The following UGT2B15 variants were observed in gnomAD, a reference collection of about 807,000 sequenced individuals.
The protein encoded by UGT2B15 is UDP glucuronosyltransferase family 2 member B15.
In UGT2B15, 36 loss-of-function variants were observed where a neutral mutation model predicts 45.9. The ratio of observed to expected loss-of-function variants is 0.78; its 90% CI spans 0.60 to 1.04. The LOEUF is 1.04. Ranked by LOEUF, UGT2B15 falls within the 50% of genes least tolerant of loss-of-function variation. UGT2B15 has a pLI of 0.00. For missense variants in UGT2B15, 617 were observed against 622.4 expected, an observed-to-expected ratio of 0.99 and a Z score of 0.09; for synonymous variants, 219 against 216.4, an observed-to-expected ratio of 1.01 and a Z score of -0.11.
Position 68,655,196 on chromosome 4 carries a change from G to A in UGT2B15, c.1006-14C>T. ...TCTCCATAGAACCTGTTAGGGCAAGGAAAATATCTTGTTCAATGAATAGAA... is the reference window on the plus strand; with the variant it reads ...TCTCCATAGAACCTGTTAGGGCAAGAAAAATATCTTGTTCAATGAATAGAA... On this transcript the variant is annotated splice_polypyrimidine_tract_variant and intron_variant, in intron 3 of 5. Coordinates refer to ENST00000338206, the MANE Select transcript of UGT2B15 (RefSeq NM_001076.4). 6.2e-7 allele frequency: 1 copy of A among 1,612,108 alleles called. No homozygotes were observed. Among genetic ancestry groups the A allele is most frequent in the Non-Finnish European group, 8.5e-7 (1 of 1,178,706 alleles).
rs1250157274 is a variant in UGT2B15 at position 68,654,183 on chromosome 4, G to C, written c.1167C>G (p.Ile389Met). ...CAAACAAGGGAATGCCCACCATAGGGATCCCATGGTAGATCGCCTCATAGA... is the reference window on the plus strand; with the variant it reads ...CAAACAAGGGAATGCCCACCATAGGCATCCCATGGTAGATCGCCTCATAGA... Reference protein sequence around the residue: ...NGIYEAIYHGIPMVGIPLFAD... With the variant: ...NGIYEAIYHGMPMVGIPLFAD... Residue 389 changes from isoleucine to methionine, a missense_variant, in exon 5 of 6, where the codon ATC (isoleucine) becomes ATG (methionine). By Grantham distance (10) the Ile-to-Met change is conservative. This residue lies in a region of UGT2B15 where 265 missense variants were observed against 245.1 expected (regional missense o/e 1.08). Coordinates refer to ENST00000338206, the MANE Select transcript of UGT2B15 (RefSeq NM_001076.4). The C allele has an allele frequency of 6.2e-7, 1 of 1,613,624 alleles. No homozygotes were observed. The highest frequency in any genetic ancestry group is 8.5e-7 in the Non-Finnish European group (1 of 1,179,696).
intron 3 of UGT2B15, among the ~76,000 whole-genome samples, chr4:68,656,640 C>T (rs1266975844): frequency 1.3e-5 from 2 of 152,136 alleles, no homozygotes; most frequent in African/African-American, 4.8e-5. Context: ...ACTTTTCCTC[C>T]ACCCTATACC....
intron 3 of UGT2B15, among the ~76,000 whole-genome samples, chr4:68,661,277 C>CT (rs1207765630): frequency 6.6e-6 from 1 of 152,034 alleles, no homozygotes; most frequent in Non-Finnish European, 1.5e-5. Context: ...TGATTGCCTC[C>CT]TTGGAGAGGC....
chr4:68,657,898 A>G lies in UGT2B15; in HGVS notation c.1006-2716T>C, dbSNP rs549374111. 1.4e-4 allele frequency among the ~76,000 whole-genome samples: 21 copies of G among 152,186 alleles called. No homozygotes were observed. In the East Asian group the frequency reaches 3.7e-3, roughly 27 times the overall value. The stretch of plus-strand genomic sequence containing the variant: ...GTGTACATGTGTTTGCATATATTTA[A>G]AAGGCCATTATAATTTCTATAATTT... On this transcript the variant is annotated intron_variant, in intron 3 of 5. Transcript: ENST00000338206.
intron 3 of UGT2B15, among the ~76,000 whole-genome samples, chr4:68,659,375 G>T (rs1732896867): frequency 6.6e-6 from 1 of 151,878 alleles, no homozygotes; most frequent in South Asian, 2.1e-4. Flanking sequence ...TAATTTATTA[G>T]TTTCCCTAAC....
At chr4:68,659,206 A>G (rs1578197590) in intron 3 of UGT2B15, among the ~76,000 whole-genome samples, 1 of 152,118 alleles carries the variant, frequency 6.6e-6, no homozygotes, top group African/African-American at 2.4e-5. Flanking sequence ...TCTCTCAAAG[A>G]ATGAAGATTT....
At position 68,646,953 on chromosome 4, in the gene UGT2B15, A is replaced by T; in HGVS notation, c.*151T>A. On this transcript the variant is annotated 3_prime_UTR_variant, in exon 6 of 6. Transcript: ENST00000338206. ...ATAATTCAGCTAAAGTACGTATTAA[A>T]TCCCTGGAAAATAAATTTTGTCTTA... 8.3e-7 allele frequency: 1 copy of T among 1,200,230 alleles called. No individual in the cohort carries two copies. The highest frequency in any genetic ancestry group is 1.6e-5 in the South Asian group (1 of 63,734). The allele number at this position is 1,200,230 out of a possible 1,614,324, so 74.3% of individuals were successfully genotyped here.
In UGT2B15 at chr4:68,654,165, G is replaced by C; in HGVS notation, c.1185C>G (p.Pro395=). ...IYHGIPMVGI[P]LFADQHDNIA... ...TGTTATCATGTTGATCCGCAAACAA[G>C]GGAATGCCCACCATAGGGATCCCAT... Residue 395 remains proline, a synonymous_variant, in exon 5 of 6, where the codon CCC becomes CCG. Coordinates refer to ENST00000338206, the MANE Select transcript of UGT2B15 (RefSeq NM_001076.4). 1 of 1,613,602 alleles carries C rather than the reference G, an allele frequency of 6.2e-7. No individual in the cohort carries two copies. The highest frequency in any genetic ancestry group is 8.5e-7 in the Non-Finnish European group (1 of 1,179,694).
rs576547222 is a variant in UGT2B15, at chr4:68,653,078, T to G, written c.1313+959A>C. 1.2e-4 allele frequency among the ~76,000 whole-genome samples: 19 copies of G among 152,162 alleles called. 1 individual carries two copies. In the South Asian group the frequency reaches 3.9e-3, roughly 32 times the overall value. On this transcript the variant is annotated intron_variant, in intron 5 of 5. Transcript: ENST00000338206. Reference sequence around the variant, plus strand: ...TCCAGCTGGTGGTAATGAAAAATGATGCAAATACTTTGAAAAACAGTTTAG... The same window carrying G: ...TCCAGCTGGTGGTAATGAAAAATGAGGCAAATACTTTGAAAAACAGTTTAG...
At chr4:68,651,575 G>T (rs6852054) in intron 5 of UGT2B15, among the ~76,000 whole-genome samples, 75,108 of 151,432 alleles carry the variant, frequency 0.5, 21,390 homozygotes, top group Non-Finnish European at 0.65. Context: ...GGGATCCAGT[G>T]GCAGTTTTCT....
At chr4:68,652,180 T>G (rs1181805190) in intron 5 of UGT2B15, among the ~76,000 whole-genome samples, 2 of 152,022 alleles carry the variant, frequency 1.3e-5, no homozygotes, top group African/African-American at 2.4e-5. Context: ...TGTCAAATCA[T>G]GTACTGTCAG....
At chr4:68,661,290 A>T (rs1732958659) in intron 3 of UGT2B15, among the ~76,000 whole-genome samples, 1 of 152,090 alleles carries the variant, frequency 6.6e-6, no homozygotes, top group South Asian at 2.1e-4. Flanking sequence ...GGAGAGGCTA[A>T]TCAGAAAGTC....
intron 2 of UGT2B15, among the ~76,000 whole-genome samples, chr4:68,663,343 G>A (rs1017431606): frequency 2.0e-5 from 3 of 151,890 alleles, no homozygotes; most frequent in African/African-American, 4.8e-5. Flanking sequence ...GTAAATATGT[G>A]TGCATATGCA....
At chr4:68,652,433 C>T (rs1045520735) in intron 5 of UGT2B15, among the ~76,000 whole-genome samples, 4 of 151,062 alleles carry the variant, frequency 2.6e-5, no homozygotes, top group African/African-American at 9.7e-5. Flanking sequence ...TTTTAATTTT[C>T]TAACCTGTTT....
chr4:68,650,149 A>T (rs1732608617), intron 5 of UGT2B15, among the ~76,000 whole-genome samples: 3 of 151,974 alleles, frequency 2.0e-5, no homozygotes, highest in Admixed American at 6.6e-5. Context: ...AAATTTTTTT[A>T]AAAAGTTTTA....
intron 3 of UGT2B15, among the ~76,000 whole-genome samples, chr4:68,661,192 C>T (rs1277738370): frequency 6.6e-6 from 1 of 151,934 alleles, no homozygotes; most frequent in Non-Finnish European, 1.5e-5. Flanking sequence ...CTGGGGGCCC[C>T]AAAGTCACTA....
chr4:68,657,875 G>A (rs1221421031), intron 3 of UGT2B15, among the ~76,000 whole-genome samples: 1 of 151,892 alleles, frequency 6.6e-6, no homozygotes, highest in African/African-American at 2.4e-5. Flanking sequence ...TTGTGTGTGT[G>A]TACATGTGTT....
intron 5 of UGT2B15, among the ~76,000 whole-genome samples, chr4:68,650,959 T>C (rs1291633172): frequency 2.6e-5 from 4 of 151,584 alleles, no homozygotes; most frequent in African/African-American, 9.7e-5. Flanking sequence ...TTAAGAAGTG[T>C]CTGTTTATAT....
intron 2 of UGT2B15, among the ~76,000 whole-genome samples, chr4:68,663,836 G>C (rs1469478001): frequency 2.0e-5 from 3 of 147,354 alleles, no homozygotes; most frequent in African/African-American, 7.6e-5. Context: ...CTGGTATTGT[G>C]GTTTGGAATT....
Sources: gnomAD v4.1 joint callset for allele counts (sites outside exome capture counted in the v4.1 genomes callset) on GRCh38, gnomAD v4.1.1 for gene constraint, gnomAD v4.1.1 regional missense constraint, MANE v1.5 for transcripts, NCBI Gene and HGNC (gene_info 2026-07-23, HGNC 2026-07-21) for gene names.